The following CACHD1 variants were observed in gnomAD, a reference collection of about 807,000 sequenced individuals.
CACHD1 encodes cache domain containing 1, also known as VWFA and cache domain-containing protein 1.
CACHD1 carries 71 observed loss-of-function variants against 138.7 expected under a neutral mutation model. The observed-to-expected ratio is 0.51, with a 90% CI of 0.42 to 0.62. CACHD1 has a LOEUF of 0.62. CACHD1 is among the 20% of genes least tolerant of loss of function. CACHD1 has a pLI of 0.00. For missense variants in CACHD1, 1,389 were observed against 1,625.3 expected (o/e 0.85, Z 2.50); for synonymous variants, 578 against 591.5 (o/e 0.98, Z 0.33).
At chr1:64,544,558 A>G (rs1028470773) in intron 1 of CACHD1, among the ~76,000 whole-genome samples, 29 of 151,574 alleles carry the variant, frequency 1.9e-4, no homozygotes, top group African/African-American at 6.3e-4. Context: ...AGGTGCAGCC[A>G]GTACAAGGTG....
chr1:64,531,705 C>A (rs938231946), intron 1 of CACHD1, among the ~76,000 whole-genome samples: 1 of 151,680 alleles, frequency 6.6e-6, no homozygotes. Flanking sequence ...CACATTACCC[C>A]CTGGTGTCTC....
chr1:64,619,067 T>C (rs1448432760), intron 4 of CACHD1, among the ~76,000 whole-genome samples: 1 of 152,106 alleles, frequency 6.6e-6, no homozygotes. Context: ...GGTTTAAGAA[T>C]TAAAGAGGGC....
chr1:64,503,889 G>A (rs1646353312), intron 1 of CACHD1, among the ~76,000 whole-genome samples: 1 of 152,158 alleles, frequency 6.6e-6, no homozygotes, highest in African/African-American at 2.4e-5. Context: ...CCTTCCTTTT[G>A]TAAATGAAGA....
At chr1:64,509,933 T>G (rs1418593160) in intron 1 of CACHD1, among the ~76,000 whole-genome samples, 2 of 152,214 alleles carry the variant, frequency 1.3e-5, no homozygotes, top group Non-Finnish European at 1.5e-5. Context: ...AAACATATTT[T>G]TTAAATGCTG....
At chr1:64,472,488 G>A (rs940385895) in intron 1 of CACHD1, among the ~76,000 whole-genome samples, 21 of 152,172 alleles carry the variant, frequency 1.4e-4, no homozygotes, top group African/African-American at 4.8e-4. Flanking sequence ...CAGCCCTGAA[G>A]TGCAATGGAG....
chr1:64,683,388 G>A (rs1435816761), intron 26 of CACHD1, among the ~76,000 whole-genome samples: 2 of 152,144 alleles, frequency 1.3e-5, no homozygotes, highest in East Asian at 1.9e-4. Flanking sequence ...AATAAAACAG[G>A]TTTGAGGCTA....
In CACHD1 at chr1:64,470,989, T is replaced by C. The variant is rs1480158583; in HGVS notation, c.198+47T>C. ...CAGACATCCCGCCTTTCTCCTTTGC[T>C]CAAACTCCCATCCCACTCCCGGTAC... On this transcript the variant is annotated intron_variant, in intron 1 of 26. Coordinates refer to ENST00000651257, the MANE Select transcript of CACHD1 (RefSeq NM_020925.4). The surrounding 1 kb of genome is among the most constrained non-coding windows in gnomAD (Gnocchi z 5.2). 6.6e-7 allele frequency: 1 copy of C among 1,526,548 alleles called. No homozygotes were observed. The highest frequency in any genetic ancestry group is 8.8e-7 in the Non-Finnish European group (1 of 1,130,918). 94.6% of individuals were successfully genotyped at this position (1,526,548 alleles called of 1,614,324 possible).
At chr1:64,648,361 C>T (rs186648991) in intron 9 of CACHD1, among the ~76,000 whole-genome samples, 5 of 152,270 alleles carry the variant, frequency 3.3e-5, no homozygotes, top group Admixed American at 2.6e-4. Flanking sequence ...GACAAGGCAA[C>T]GTGGCATCAT....
intron 12 of CACHD1, among the ~76,000 whole-genome samples, chr1:64,658,023 C>G (rs1649322062): frequency 1.3e-5 from 2 of 152,188 alleles, no homozygotes; most frequent in South Asian, 4.1e-4. Flanking sequence ...TCTGAAAATA[C>G]TACTGTTTCT....
At position 64,582,334 on chromosome 1, in the gene CACHD1, T is replaced by C. The variant is rs774710434; in HGVS notation, c.410+30T>C. ...GACTTTAAAACTTTTTGTTGTTGTA[T>C]AAACCAGACATTGAATTGCTTATAC... On this transcript the variant is annotated intron_variant, in intron 3 of 26. Coordinates refer to ENST00000651257, the MANE Select transcript of CACHD1 (RefSeq NM_020925.4). 5.2e-5 allele frequency: 83 copies of C among 1,590,372 alleles called. No homozygotes were observed. In the Admixed American group the frequency reaches 1.3e-3, roughly 24 times the overall value.
At chr1:64,632,810 A>G in intron 6 of CACHD1, 67 bp downstream of exon 6, 1 of 1,564,950 alleles carries the variant, frequency 6.4e-7, no homozygotes, top group Non-Finnish European at 8.8e-7. Context: ...AAAGTACTTT[A>G]TTGTTTTGTG....
intron 1 of CACHD1, among the ~76,000 whole-genome samples, chr1:64,492,599 C>T (rs895305749): frequency 2.6e-5 from 4 of 151,714 alleles, no homozygotes; most frequent in Admixed American, 6.6e-5. Context: ...ATATGCCACA[C>T]GGAAACAATA....
At chr1:64,614,886 T>G (rs1446411601) in intron 4 of CACHD1, among the ~76,000 whole-genome samples, 3 of 152,198 alleles carry the variant, frequency 2.0e-5, no homozygotes, top group African/African-American at 7.2e-5. Context: ...TTCTCTTCCC[T>G]CTTTTTCCAC....
chr1:64,568,312 A>C (rs921749657), intron 2 of CACHD1, among the ~76,000 whole-genome samples: 3 of 152,148 alleles, frequency 2.0e-5, no homozygotes, highest in Admixed American at 6.5e-5. Context: ...ACACGGGAGA[A>C]GCTGATAACA....
chr1:64,530,923 G>GTTT (rs1330246075), intron 1 of CACHD1, among the ~76,000 whole-genome samples: 3 of 132,550 alleles, frequency 2.3e-5, no homozygotes, highest in African/African-American at 9.2e-5. Context: ...ATTCCATCGT[G>GTTT]TTTTTTTTTG....
rs183358986 is a variant in CACHD1, at chr1:64,627,681, A to T, written c.518-1674A>T. Reference sequence around the variant, plus strand: ...CTGATGCTACATATGGTATAAAAACATAATACCGTAATTAGTCCACCCACT... The same window carrying T: ...CTGATGCTACATATGGTATAAAAACTTAATACCGTAATTAGTCCACCCACT... On this transcript the variant is annotated intron_variant, in intron 4 of 26. Coordinates refer to ENST00000651257, the MANE Select transcript of CACHD1 (RefSeq NM_020925.4). 3.2e-3 allele frequency among the ~76,000 whole-genome samples: 488 copies of T among 152,316 alleles called. 4 individuals are homozygous for T. Among genetic ancestry groups the T allele is most frequent in the Non-Finnish European group, 5.3e-3 (361 of 68,032 alleles).
chr1:64,501,247 TA>T (rs1450314713), intron 1 of CACHD1, among the ~76,000 whole-genome samples: 9 of 152,328 alleles, frequency 5.9e-5, no homozygotes, highest in Admixed American at 4.6e-4. Flanking sequence ...TTATATTTTC[TA>T]GGAAATAAGT....
At chr1:64,525,761 C>T (rs949537715) in intron 1 of CACHD1, among the ~76,000 whole-genome samples, 2 of 152,184 alleles carry the variant, frequency 1.3e-5, no homozygotes, top group Non-Finnish European at 2.9e-5. Context: ...GGCAACATTG[C>T]ATTCTTCAGC....
rs1398908088 is a variant in CACHD1, at chr1:64,647,992, G to A, written c.1348G>A (p.Glu450Lys). Residue 450 changes from glutamate (E) to lysine (K), a missense_variant, in exon 9 of 27, where the codon GAA (glutamate) becomes AAA (lysine). Glu to Lys is a moderately conservative substitution (Grantham distance 56). Around this residue, in one of 5 missense-constraint regions of CACHD1, gnomAD observed 1,000 missense variants for 1,114.7 expected, o/e 0.90. Coordinates refer to ENST00000651257, the MANE Select transcript of CACHD1 (RefSeq NM_020925.4). ...YTNLPNRMID[E>K]AVFSLPFSDE... Reference sequence around the variant, plus strand: ...AAACCTTCCCAACCGGATGATTGATGAAGCCGTCTTCAGCCTGCCCTTCTC... The same window carrying A: ...AAACCTTCCCAACCGGATGATTGATAAAGCCGTCTTCAGCCTGCCCTTCTC... 6.2e-7 allele frequency: 1 copy of A among 1,613,894 alleles called. No homozygotes were observed. The highest frequency in any genetic ancestry group is 8.5e-7 in the Non-Finnish European group (1 of 1,179,956).
Sources: allele counts gnomAD v4.1 joint callset (sites outside exome capture counted in the v4.1 genomes callset), GRCh38; gene constraint gnomAD v4.1.1; regional missense constraint gnomAD v4.1.1; non-coding constraint Gnocchi (gnomAD v3.1); transcripts MANE v1.5; gene names NCBI Gene and HGNC (gene_info 2026-07-23, HGNC 2026-07-21).